Variants in SETD5 observed in about 807,000 individuals in gnomAD.
SETD5 encodes SET domain containing 5.
Under a neutral mutation model 153.3 loss-of-function variants are expected in SETD5, and 44 were observed. The ratio of observed to expected loss-of-function variants is 0.29; its 90% CI spans 0.23 to 0.37. The LOEUF is 0.37. Among genes scored for constraint, SETD5 ranks in the 10% least tolerant of loss-of-function variants. The probability of loss-of-function intolerance (pLI) is 1.00; values close to 1 mark genes in which losing one functional copy is unlikely to be tolerated. For missense variants in SETD5, 1,544 were observed against 1,768.0 expected, an observed-to-expected ratio of 0.87 and a Z score of 2.27; for synonymous variants, 716 against 645.2, an observed-to-expected ratio of 1.11 and a Z score of -1.66.
chr3:9,475,885 C>T lies in SETD5; in HGVS notation c.4123C>T (p.Pro1375Ser), dbSNP rs756264715. Reference sequence around the variant, plus strand: ...AGGAACTCTGAGTTCCACCTCCTTTCCTCAGAACTCTAGGTCGTCATTGCC... The same window carrying T: ...AGGAACTCTGAGTTCCACCTCCTTTTCTCAGAACTCTAGGTCGTCATTGCC... ...STGTLSSTSF[P>S]QNSRSSLPSD... Residue 1375 changes from proline to serine, a missense_variant, in exon 23 of 23, where the codon CCT becomes TCT. By Grantham distance (74) the Pro-to-Ser change is moderately conservative. Coordinates refer to ENST00000402198, the MANE Select transcript of SETD5 (RefSeq NM_001080517.3). 5.0e-6 allele frequency: 8 copies of T among 1,613,920 alleles called. No individual in the cohort carries two copies. The African/African-American group carries it at 1.1e-4, about 22-fold the overall frequency.
chr3:9,448,656 T>G, intron 16 of SETD5, 26 bp downstream of exon 16: 1 of 1,517,178 alleles, frequency 6.6e-7, no homozygotes, highest in South Asian at 1.3e-5. Flanking sequence ...TGTGTGTGTG[T>G]TGTGTTTATG....
chr3:9,436,972 C>A, intron 7 of SETD5: 1 of 1,280,002 alleles, frequency 7.8e-7, no homozygotes, highest in South Asian at 1.4e-5. Context: ...CATTGATGGT[C>A]TGGGAATCTT....
At chr3:9,475,019 T>A (rs545543674) in intron 21 of SETD5, 49 bp from the exon 22 acceptor site, 1 of 1,500,996 alleles carries the variant, frequency 6.7e-7, no homozygotes, top group East Asian at 2.5e-5. Flanking sequence ...TCTTTCTTAC[T>A]TATTCTAAGA....
chr3:9,425,843 T>C (rs138737060), intron 2 of SETD5, among the ~76,000 whole-genome samples: 4 of 152,320 alleles, frequency 2.6e-5, no homozygotes, highest in Non-Finnish European at 4.4e-5. Context: ...TTTAATGATA[T>C]TAAGTACGGT....
chr3:9,430,101 TG>T (rs2039786024), intron 3 of SETD5: 12 of 1,039,660 alleles, frequency 1.2e-5, no homozygotes, highest in Non-Finnish European at 1.4e-5. Context: ...TCACAGTCCC[TG>T]GGGATTCTTC....
intron 14 of SETD5, among the ~76,000 whole-genome samples, 156 bp downstream of exon 14, chr3:9,447,463 A>G (rs542160919): frequency 6.6e-6 from 1 of 152,230 alleles, no homozygotes; most frequent in African/African-American, 2.4e-5. Flanking sequence ...TCATTGGCCT[A>G]TTTTATAAAT....
At chr3:9,461,725 G>A (rs559005211) in intron 17 of SETD5, among the ~76,000 whole-genome samples, 7 of 152,262 alleles carry the variant, frequency 4.6e-5, no homozygotes, top group Admixed American at 1.3e-4. Context: ...TGATTTGCAC[G>A]TGGCAGATTT....
Position 9,473,366 on chromosome 3 carries a change from A to G in SETD5, c.3326A>G (p.Asp1109Gly), listed in dbSNP as rs2045536119. 1.2e-6 allele frequency: 2 copies of G among 1,613,822 alleles called. No homozygotes were observed. Among genetic ancestry groups the G allele is most frequent in the African/African-American group, 2.7e-5 (2 of 74,886 alleles). ...CAAGGCAGCAGTAACTCCGTTTCCGACACTGGTGCCCATGGTGTGCAGGGA... is the reference window on the plus strand; with the variant it reads ...CAAGGCAGCAGTAACTCCGTTTCCGGCACTGGTGCCCATGGTGTGCAGGGA... ...AGQGSSNSVSDTGAHGVQGSS... is the reference protein window; with the variant it reads ...AGQGSSNSVSGTGAHGVQGSS... Residue 1109 changes from aspartate to glycine, a missense_variant, in exon 20 of 23, where the codon GAC (aspartate) becomes GGC (glycine). Physicochemically the swap from Asp to Gly is moderately conservative, Grantham distance 94 (BLOSUM62 -1). Transcript: ENST00000402198.
intron 19 of SETD5, 142 bp downstream of exon 19, chr3:9,471,071 G>A (rs957304752): frequency 3.3e-6 from 2 of 600,400 alleles, no homozygotes; most frequent in Admixed American, 3.0e-5. Context: ...GTGAAAGACA[G>A]GCTGTTTTAG....
In SETD5 at chr3:9,453,922, A is replaced by G; in HGVS notation, c.2476+54A>G. 6.9e-6 allele frequency: 10 copies of G among 1,453,732 alleles called. 1 individual carries two copies. Among genetic ancestry groups the G allele is most frequent in the South Asian group, 4.7e-5 (3 of 64,450 alleles). The allele number at this position is 1,453,732 out of a possible 1,614,324, so 90.1% of individuals were successfully genotyped here. A position where few individuals can be genotyped will look rare whatever the true frequency, so the allele number is the denominator to read the frequency against. On this transcript the variant is annotated intron_variant, in intron 17 of 22. Transcript: ENST00000402198. ...TGACCAATGATTGTTTCAGGTCTGC[A>G]TAAAAAATTTAAGTATGAGTATTTC... is the stretch of plus-strand genomic sequence containing the variant.
At chr3:9,435,322 T>C (rs1489102476) in intron 6 of SETD5, among the ~76,000 whole-genome samples, 1 of 151,270 alleles carries the variant, frequency 6.6e-6, no homozygotes, top group Non-Finnish European at 1.5e-5. Context: ...CAGAAAGAGA[T>C]AGAAGTCCTC....
At chr3:9,429,734 C>T in intron 3 of SETD5, 3 of 781,966 alleles carry the variant, frequency 3.8e-6, no homozygotes, top group South Asian at 2.2e-5. Flanking sequence ...CTTTTGTATC[C>T]CTTCTCTTTT....
intron 17 of SETD5, among the ~76,000 whole-genome samples, chr3:9,458,688 A>C (rs1419857188): frequency 6.6e-6 from 1 of 152,252 alleles, no homozygotes; most frequent in African/African-American, 2.4e-5. Flanking sequence ...ATAGAGGATT[A>C]GTACATTGGG....
intron 2 of SETD5, 138 bp from the exon 3 acceptor site, chr3:9,428,685 T>A (rs1212001708): frequency 3.6e-6 from 1 of 278,120 alleles, no homozygotes; most frequent in African/African-American, 2.2e-5. Context: ...ACACTGTGGC[T>A]GTATTTATTT....
At chr3:9,474,937 C>T (rs2045702945) in intron 21 of SETD5, 131 bp from the exon 22 acceptor site, 3 of 783,090 alleles carry the variant, frequency 3.8e-6, no homozygotes, top group Admixed American at 5.4e-5. Flanking sequence ...TGGCATGCTG[C>T]ACTCACCCAA....
At chr3:9,456,604 A>C (rs1053769746) in intron 17 of SETD5, among the ~76,000 whole-genome samples, 7 of 152,188 alleles carry the variant, frequency 4.6e-5, no homozygotes, top group African/African-American at 1.7e-4. Flanking sequence ...TATCAGGCCC[A>C]TAAGAGTAAT....
At chr3:9,466,176 TA>T (rs1411363909) in intron 18 of SETD5, among the ~76,000 whole-genome samples, 1 of 150,520 alleles carries the variant, frequency 6.6e-6, no homozygotes, top group Non-Finnish European at 1.5e-5. Flanking sequence ...TAGTCCCAGC[TA>T]CTCGGGAGGC....
chr3:9,445,188 A>G lies in SETD5; in HGVS notation c.1328A>G (p.Lys443Arg), dbSNP rs1575449582. The part of the protein sequence containing the change: ...PTIGAETRRR[K>R]ARRKELEMEQ... ...ATTGGAGCAGAGACTAGACGTAGAA[A>G]AGCACGACGGAAAGAGCTAGAGATG... Residue 443 changes from lysine (K) to arginine (R), a missense_variant, in exon 12 of 23, where the codon AAA becomes AGA. Transcript: ENST00000402198. 6.2e-7 allele frequency: 1 copy of G among 1,613,984 alleles called. No homozygotes were observed. Among genetic ancestry groups the G allele is most frequent in the Non-Finnish European group, 8.5e-7 (1 of 1,179,860 alleles).
intron 1 of SETD5, among the ~76,000 whole-genome samples, chr3:9,413,436 C>T (rs952634497): frequency 6.6e-6 from 1 of 152,054 alleles, no homozygotes; most frequent in African/African-American, 2.4e-5. Flanking sequence ...AGACTTCCAC[C>T]TCTACTGATA....
Sources: gnomAD v4.1 joint callset for allele counts (sites outside exome capture counted in the v4.1 genomes callset) on GRCh38, gnomAD v4.1.1 for gene constraint, MANE v1.5 for transcripts, NCBI Gene and HGNC (gene_info 2026-07-23, HGNC 2026-07-21) for gene names.